The following NDST4 variants were observed in gnomAD, a reference collection of about 807,000 sequenced individuals.
NDST4 encodes N-heparan sulfate sulfotransferase 4.
Under a neutral mutation model 100.8 loss-of-function variants are expected in NDST4, and 63 were observed. The observed-to-expected ratio is 0.62, with a 90% CI of 0.51 to 0.77. The LOEUF is 0.77. Ranked by LOEUF, NDST4 falls within the 30% of genes least tolerant of loss-of-function variation. The pLI is 0.00. For synonymous variants in NDST4, 377 were observed against 361.8 expected, an observed-to-expected ratio of 1.04 and a Z score of -0.48; for missense variants, 943 against 1,018.4, an observed-to-expected ratio of 0.93 and a Z score of 1.01.
At chr4:115,041,259 T>G (rs1728346451) in intron 2 of NDST4, among the ~76,000 whole-genome samples, 1 of 152,098 alleles carries the variant, frequency 6.6e-6, no homozygotes, top group African/African-American at 2.4e-5. Context: ...ATCTAATCTC[T>G]ATATCCAACT....
intron 2 of NDST4, among the ~76,000 whole-genome samples, chr4:115,063,615 A>C (rs1012846807): frequency 6.6e-6 from 1 of 151,428 alleles, no homozygotes; most frequent in African/African-American, 2.4e-5. Context: ...CAGTGGCTTT[A>C]GCTGAGGAGG....
At chr4:114,930,539 A>G (rs1725489923) in intron 6 of NDST4, among the ~76,000 whole-genome samples, 1 of 152,186 alleles carries the variant, frequency 6.6e-6, no homozygotes, top group African/African-American at 2.4e-5. Flanking sequence ...AGGAATTGAA[A>G]ATAGTGTATG....
chr4:115,054,721 T>C (rs1378025648), intron 2 of NDST4, among the ~76,000 whole-genome samples: 1 of 152,218 alleles, frequency 6.6e-6, no homozygotes, highest in East Asian at 1.9e-4. Context: ...TGATGCACTA[T>C]GAGTTTATTG....
chr4:114,917,321 A>G (rs904815045), intron 6 of NDST4, among the ~76,000 whole-genome samples: 3 of 152,198 alleles, frequency 2.0e-5, no homozygotes, highest in African/African-American at 7.2e-5. Context: ...CATATACAGA[A>G]GGCCAACTGT....
intron 7 of NDST4, among the ~76,000 whole-genome samples, chr4:114,870,371 G>T (rs1029315947): frequency 1.3e-5 from 2 of 152,034 alleles, no homozygotes; most frequent in African/African-American, 4.8e-5. Context: ...ACATATCAAA[G>T]TCTAATTATA....
intron 2 of NDST4, among the ~76,000 whole-genome samples, chr4:114,987,943 AT>A (rs1726948629): frequency 6.6e-6 from 1 of 152,214 alleles, no homozygotes; most frequent in South Asian, 2.1e-4. Flanking sequence ...CAAATGAAAA[AT>A]GTAATAGCTG....
chr4:114,831,024 G>T (rs778667379), intron 12 of NDST4, among the ~76,000 whole-genome samples: 21 of 152,196 alleles, frequency 1.4e-4, no homozygotes, highest in Middle Eastern at 3.4e-3. Context: ...ATGGATAAAA[G>T]AAAGAGTCAT....
At chr4:114,904,684 G>A (rs1724913539) in intron 6 of NDST4, among the ~76,000 whole-genome samples, 1 of 151,352 alleles carries the variant, frequency 6.6e-6, no homozygotes. Flanking sequence ...CAGAAAGAAT[G>A]TTGTGTAATT....
In NDST4 at chr4:115,077,089, C is replaced by T. The variant is rs1335299130; in HGVS notation, c.-53G>A. ...TTCCCAATTTCGTTTCCTAAAGTGC[C>T]ATAGTGAATAAAGTATGAGATGTTG... On this transcript the variant is annotated 5_prime_UTR_variant, in exon 2 of 14. It removes an upstream start codon present in the reference 5' UTR. Transcript: ENST00000264363. 2.7e-6 allele frequency: 4 copies of T among 1,481,662 alleles called. No individual in the cohort carries two copies. Among genetic ancestry groups the T allele is most frequent in the East Asian group, 2.3e-5 (1 of 43,380 alleles). The allele number at this position is 1,481,662 out of a possible 1,614,324, so 91.8% of individuals were successfully genotyped here. A position where few individuals can be genotyped will look rare whatever the true frequency, so the allele number is the denominator to read the frequency against.
At chr4:115,100,229 T>C (rs116719094) in intron 1 of NDST4, among the ~76,000 whole-genome samples, 1,815 of 152,156 alleles carry the variant, frequency 0.012, 11 homozygotes, top group Non-Finnish European at 0.02. Flanking sequence ...TATTTAATAC[T>C]ATGAAAATTA....
chr4:115,041,631 T>C (rs1728353501), intron 2 of NDST4, among the ~76,000 whole-genome samples: 1 of 152,120 alleles, frequency 6.6e-6, no homozygotes, highest in Non-Finnish European at 1.5e-5. Context: ...ATGTCTTTTT[T>C]GAAGTTAATT....
intron 6 of NDST4, among the ~76,000 whole-genome samples, chr4:114,908,997 T>C (rs1442982107): frequency 6.6e-6 from 1 of 152,172 alleles, no homozygotes; most frequent in Non-Finnish European, 1.5e-5. Flanking sequence ...ATGTTTCAAG[T>C]AAAACACATG....
intron 2 of NDST4, among the ~76,000 whole-genome samples, chr4:114,996,223 A>G (rs115029998): frequency 6.6e-6 from 1 of 152,014 alleles, no homozygotes; most frequent in Non-Finnish European, 1.5e-5. Context: ...ATAGTGAGTG[A>G]GTTCTCAGAT....
At chr4:115,020,193 T>C (rs1275133665) in intron 2 of NDST4, among the ~76,000 whole-genome samples, 3 of 152,114 alleles carry the variant, frequency 2.0e-5, no homozygotes, top group South Asian at 2.1e-4. Context: ...TAAAACTTCT[T>C]AGGTATTACC....
At chr4:115,035,040 T>C (rs1405299558) in intron 2 of NDST4, among the ~76,000 whole-genome samples, 1 of 152,142 alleles carries the variant, frequency 6.6e-6, no homozygotes, top group Non-Finnish European at 1.5e-5. Flanking sequence ...ATACCAACTT[T>C]ACATCTGTTC....
chr4:115,070,014 A>G (rs930792047), intron 2 of NDST4, among the ~76,000 whole-genome samples: 4 of 152,198 alleles, frequency 2.6e-5, no homozygotes, highest in African/African-American at 9.7e-5. Context: ...ACAGTGTGGC[A>G]ATCCCTCAAA....
intron 1 of NDST4, among the ~76,000 whole-genome samples, chr4:115,078,860 A>C (rs72667316): frequency 0.013 from 1,897 of 148,560 alleles, 22 homozygotes; most frequent in Non-Finnish European, 0.02. Flanking sequence ...ACCCCCGCCC[A>C]AAAAAAGTGA....
chr4:114,970,551 A>T lies in NDST4; in HGVS notation c.1100T>A (p.Leu367Ter), dbSNP rs780891483. ...TEEEDEGDDL[L>*]LRSVDEFWWF... ...CCAGAACTCATCCACAGACCGAAGT[A>T]AAAGGTCATCTCCTTCATCTTCCTC... is the stretch of plus-strand genomic sequence containing the variant. Residue 367 changes from leucine to a stop codon, truncating the protein, a stop_gained, in exon 4 of 14, where the codon TTA (leucine) becomes TAA (stop). Coordinates refer to ENST00000264363, the MANE Select transcript of NDST4 (RefSeq NM_022569.3). LOFTEE classifies it high-confidence loss of function. 1 of 1,613,890 alleles carries T rather than the reference A, an allele frequency of 6.2e-7. No individual in the cohort carries two copies. Among genetic ancestry groups the T allele is most frequent in the Non-Finnish European group, 8.5e-7 (1 of 1,179,804 alleles).
At chr4:114,986,355 G>A (rs1323928557) in intron 2 of NDST4, among the ~76,000 whole-genome samples, 1 of 151,990 alleles carries the variant, frequency 6.6e-6, no homozygotes, top group Non-Finnish European at 1.5e-5. Context: ...GATGTGTCTC[G>A]TGCCCTAAAC....
Sources: gnomAD v4.1 joint callset for allele counts (sites outside exome capture counted in the v4.1 genomes callset) on GRCh38, gnomAD v4.1.1 for gene constraint, MANE v1.5 for transcripts, NCBI Gene and HGNC (gene_info 2026-07-23, HGNC 2026-07-21) for gene names.